Variants in FAM76A observed in about 807,000 individuals in gnomAD.
FAM76A encodes family with sequence similarity 76 member A.
In FAM76A, 32 loss-of-function variants were observed where a neutral mutation model predicts 46.2. The observed-to-expected ratio is 0.69, with a 90% CI of 0.52 to 0.93. The LOEUF is 0.93. Ranked by LOEUF, FAM76A falls within the 40% of genes least tolerant of loss-of-function variation. The pLI is 0.00. For missense variants in FAM76A, 274 were observed against 361.5 expected, an observed-to-expected ratio of 0.76 and a Z score of 1.96; for synonymous variants, 137 against 127.0, an observed-to-expected ratio of 1.08 and a Z score of -0.53.
chr1:27,730,396 G>A (rs548105796), intron 2 of FAM76A: 1 of 152,270 alleles, frequency 6.6e-6, no homozygotes, highest in Non-Finnish European at 1.5e-5. Flanking sequence ...TTGTTAATCA[G>A]GCTGGTCTCA....
intron 4 of FAM76A, among the ~76,000 whole-genome samples, chr1:27,734,883 A>G (rs985260727): frequency 2.6e-5 from 4 of 152,244 alleles, no homozygotes; most frequent in African/African-American, 9.6e-5. Context: ...ACAAGATTAC[A>G]TTAGAGGGAA....
chr1:27,737,878 A>AC (rs1314825831), intron 4 of FAM76A, among the ~76,000 whole-genome samples: 1 of 146,936 alleles, frequency 6.8e-6, no homozygotes, highest in African/African-American at 2.5e-5. Context: ...CAAAAAAAAA[A>AC]AAAAAAAAAA....
intron 6 of FAM76A, among the ~76,000 whole-genome samples, chr1:27,754,902 A>C (rs531138093): frequency 6.6e-6 from 1 of 152,240 alleles, no homozygotes; most frequent in South Asian, 2.1e-4. Flanking sequence ...AACCTGAAAC[A>C]GTATCCTTAG....
intron 7 of FAM76A, among the ~76,000 whole-genome samples, chr1:27,758,483 G>A (rs1423369110): frequency 4.6e-5 from 7 of 152,052 alleles, no homozygotes; most frequent in Non-Finnish European, 1.5e-5. Context: ...CTGCTTTGCA[G>A]AGATAGTTTT....
intron 5 of FAM76A, 82 bp downstream of exon 5, chr1:27,744,893 A>C: frequency 7.5e-7 from 1 of 1,327,190 alleles, no homozygotes; most frequent in African/African-American, 1.5e-5. Flanking sequence ...GGTACATACT[A>C]CCATCTCATA....
intron 6 of FAM76A, among the ~76,000 whole-genome samples, chr1:27,753,197 A>G (rs1013759364): frequency 6.6e-6 from 1 of 152,100 alleles, no homozygotes; most frequent in African/African-American, 2.4e-5. Flanking sequence ...AAAAGAGAAA[A>G]GAGAGAGTTA....
Position 27,734,089 on chromosome 1 carries a change from G to A in FAM76A, c.260G>A (p.Arg87His), listed in dbSNP as rs147811051. ...IAAFIGNKCQ[R>H]CTNSEKKYGP... ...GCATTTATTGGGAATAAATGCCAGC[G>A]CTGCACAAATTCAGAAAAGAAGTAT... The change falls in exon 4 of 9, where the codon CGC becomes CAC. Residue 87 changes from arginine (R) to histidine (H), a missense_variant. Transcript: ENST00000373954. 3.7e-4 allele frequency: 597 copies of A among 1,612,604 alleles called. 1 individual carries two copies. The highest frequency in any genetic ancestry group is 7.7e-4 in the Admixed American group (46 of 59,684).
At chr1:27,732,498 C>A in intron 2 of FAM76A, 105 bp from the exon 3 acceptor site, 1 of 786,674 alleles carries the variant, frequency 1.3e-6, no homozygotes, top group Non-Finnish European at 2.1e-6. Flanking sequence ...GCATCCAGAC[C>A]ATATCTCACT....
chr1:27,734,684 A>G (rs1488429397), intron 4 of FAM76A, among the ~76,000 whole-genome samples: 2 of 152,246 alleles, frequency 1.3e-5, no homozygotes, highest in Non-Finnish European at 1.5e-5. Flanking sequence ...ATATTCTAAC[A>G]TTTCACGAGA....
chr1:27,749,815 C>T (rs2088303370), intron 6 of FAM76A, among the ~76,000 whole-genome samples: 1 of 152,230 alleles, frequency 6.6e-6, no homozygotes, highest in Non-Finnish European at 1.5e-5. Context: ...ACTTCCTTAA[C>T]ATTCAGAAAG....
At chr1:27,757,447 A>T (rs1219686932) in intron 7 of FAM76A, among the ~76,000 whole-genome samples, 1 of 151,872 alleles carries the variant, frequency 6.6e-6, no homozygotes, top group Non-Finnish European at 1.5e-5. Context: ...GCTCACTGCA[A>T]CCTCTGCCTC....
At chr1:27,757,678 T>G (rs2088434264) in intron 7 of FAM76A, among the ~76,000 whole-genome samples, 1 of 151,944 alleles carries the variant, frequency 6.6e-6, no homozygotes, top group South Asian at 2.1e-4. Context: ...CCATTTATTC[T>G]TATAAAAAGC....
At chr1:27,751,317 G>A (rs1224638385) in intron 6 of FAM76A, among the ~76,000 whole-genome samples, 1 of 151,776 alleles carries the variant, frequency 6.6e-6, no homozygotes, top group Non-Finnish European at 1.5e-5. Context: ...TATTCTACTT[G>A]TTTGCATTTC....
intron 2 of FAM76A, among the ~76,000 whole-genome samples, chr1:27,732,088 C>T (rs1249020450): frequency 3.3e-5 from 5 of 152,168 alleles, no homozygotes; most frequent in Non-Finnish European, 7.3e-5. Context: ...TCCCAAAGTG[C>T]TGGGATTATA....
At position 27,726,054 on chromosome 1, in the gene FAM76A, G is replaced by A; in HGVS notation, c.-27G>A. 2 of 1,250,922 alleles carry A rather than the reference G, an allele frequency of 1.6e-6. No homozygotes were observed. Among genetic ancestry groups the A allele is most frequent in the Non-Finnish European group, 2.0e-6 (2 of 997,016 alleles). The allele number at this position is 1,250,922 out of a possible 1,614,324, so 77.5% of individuals were successfully genotyped here. On this transcript the variant is annotated 5_prime_UTR_variant, in exon 1 of 9. Coordinates refer to ENST00000373954, the MANE Select transcript of FAM76A (RefSeq NM_152660.3). ...GATAAATCGGCGGGCCGGGCCGGCG[G>A]GTCGGTGAGCGCGGCCCGGGCCGGA...
Position 27,755,080 on chromosome 1 carries a change from T to G in FAM76A, c.600-115T>G, listed in dbSNP as rs2148586090. The G allele has an allele frequency of 1.0e-5, 12 of 1,154,694 alleles. No homozygotes were observed. The South Asian group carries it at 1.4e-4, about 13-fold the overall frequency. The allele number at this position is 1,154,694 out of a possible 1,614,324, so 71.5% of individuals were successfully genotyped here. ...AGCATGTGTGGTGCAATGTGCTTGA[T>G]GCTAGGATTCCTGCCCTTTAGGAGC... On this transcript the variant is annotated intron_variant, in intron 6 of 8. Coordinates refer to ENST00000373954, the MANE Select transcript of FAM76A (RefSeq NM_152660.3).
chr1:27,727,622 A>G, intron 2 of FAM76A, 86 bp downstream of exon 2: 2 of 959,076 alleles, frequency 2.1e-6, no homozygotes, highest in Non-Finnish European at 1.7e-6. Flanking sequence ...TACAGATGCT[A>G]TAATCAGTTG....
At chr1:27,729,857 T>G (rs2087925134) in intron 2 of FAM76A, among the ~76,000 whole-genome samples, 1 of 152,144 alleles carries the variant, frequency 6.6e-6, no homozygotes, top group Admixed American at 6.6e-5. Flanking sequence ...CCCCAAACCC[T>G]ATCAAAATAC....
intron 2 of FAM76A, among the ~76,000 whole-genome samples, chr1:27,732,102 G>C (rs997849804): frequency 6.6e-6 from 1 of 152,100 alleles, no homozygotes; most frequent in Non-Finnish European, 1.5e-5. Context: ...GATTATAGGC[G>C]TGAGCCACCA....
Sources: gnomAD v4.1 joint callset for allele counts (sites outside exome capture counted in the v4.1 genomes callset) on GRCh38, gnomAD v4.1.1 for gene constraint, MANE v1.5 for transcripts, NCBI Gene and HGNC (gene_info 2026-07-23, HGNC 2026-07-21) for gene names.